Variants in ACACA observed in about 807,000 individuals in gnomAD.
The protein encoded by ACACA is acetyl-CoA carboxylase alpha, also known as acetyl-CoA carboxylase 1.
In ACACA, 103 loss-of-function variants were observed where a neutral mutation model predicts 296.1. The observed-to-expected ratio is 0.35, with a 90% confidence interval of 0.30 to 0.41. The LOEUF is 0.41. Among genes scored for constraint, ACACA ranks in the 10% least tolerant of loss-of-function variants. The pLI, the probability that ACACA is intolerant of heterozygous loss-of-function variation, is 1.00. For missense variants in ACACA, 1,554 were observed against 2,989.7 expected (o/e 0.52, Z 11.20); for synonymous variants, 953 against 1,038.6 (o/e 0.92, Z 1.58).
chr17:37,263,876 C>T lies in ACACA; in HGVS notation c.1138G>A (p.Gly380Arg), dbSNP rs2081623978. 5 of 1,613,672 alleles carry T rather than the reference C, an allele frequency of 3.1e-6. No homozygotes were observed. The highest frequency in any genetic ancestry group is 4.2e-6 in the Non-Finnish European group (5 of 1,179,882). ...AGTCTCATCACAAATATGGGAGATCCAGGAACTTCAGCTTGAACCTGTATT... is the reference window on the plus strand; with the variant it reads ...AGTCTCATCACAAATATGGGAGATCTAGGAACTTCAGCTTGAACCTGTATT... Reference protein sequence around the residue: ...LFRQVQAEVPGSPIFVMRLAK... With the variant: ...LFRQVQAEVPRSPIFVMRLAK... The change falls in exon 11 of 56, where the codon GGA (glycine) becomes AGA (arginine). Residue 380 changes from glycine to arginine, a missense_variant. By Grantham distance (125) the Gly-to-Arg change is moderately radical. Transcript: ENST00000616317.
intron 39 of ACACA, among the ~76,000 whole-genome samples, chr17:37,183,875 G>A (rs1191986646): frequency 4.4e-5 from 6 of 136,302 alleles, no homozygotes; most frequent in Non-Finnish European, 6.2e-5. Context: ...TTTTGGAGAC[G>A]GAGTTTCACT....
chr17:37,093,847 C>T (rs1402453196), intron 54 of ACACA, among the ~76,000 whole-genome samples: 2 of 152,160 alleles, frequency 1.3e-5, no homozygotes, highest in African/African-American at 2.4e-5. Flanking sequence ...AACCCCATGA[C>T]ATAAACACCA....
At chr17:37,104,993 G>A (rs190339341) in intron 52 of ACACA, among the ~76,000 whole-genome samples, 1 of 146,210 alleles carries the variant, frequency 6.8e-6, no homozygotes, top group East Asian at 2.0e-4. Context: ...CAGAGGAAAC[G>A]GCTGATTTCT....
intron 3 of ACACA, among the ~76,000 whole-genome samples, chr17:37,294,257 T>C (rs2083221247): frequency 6.6e-6 from 1 of 152,226 alleles, no homozygotes; most frequent in Admixed American, 6.5e-5. Context: ...AAAGAATGTA[T>C]TCTGACAATT....
At chr17:37,376,635 G>T (rs2050014234) in intron 1 of ACACA, among the ~76,000 whole-genome samples, 1 of 152,160 alleles carries the variant, frequency 6.6e-6, no homozygotes, top group Non-Finnish European at 1.5e-5. Flanking sequence ...AGTTTTCAAA[G>T]TTTCATAAAC....
intron 41 of ACACA, among the ~76,000 whole-genome samples, chr17:37,170,815 T>C (rs1460967050): frequency 1.3e-5 from 2 of 152,228 alleles, no homozygotes; most frequent in Non-Finnish European, 2.9e-5. Context: ...TCAATGTGAA[T>C]AGAATGTGCA....
intron 24 of ACACA, among the ~76,000 whole-genome samples, chr17:37,238,959 T>C (rs1054594867): frequency 3.9e-5 from 6 of 152,122 alleles, no homozygotes; most frequent in African/African-American, 1.4e-4. Context: ...CTTGAGTAGG[T>C]AGGACTATAG....
At chr17:37,185,359 AGT>A in intron 39 of ACACA, among the ~76,000 whole-genome samples, 1 of 138,730 alleles carries the variant, frequency 7.2e-6, no homozygotes, top group South Asian at 2.5e-4. Context: ...CAGCCTCCTG[AGT>A]AGTTGGTACT....
intron 3 of ACACA, among the ~76,000 whole-genome samples, chr17:37,299,073 C>G (rs1279948512): frequency 6.6e-6 from 1 of 151,990 alleles, no homozygotes; most frequent in Non-Finnish European, 1.5e-5. Flanking sequence ...GCTCAGGGAT[C>G]TTTTATTCAA....
chr17:37,382,908 G>A (rs771923817), intron 1 of ACACA, among the ~76,000 whole-genome samples: 2 of 151,966 alleles, frequency 1.3e-5, no homozygotes, highest in Non-Finnish European at 2.9e-5. Context: ...ATGGAGGCAC[G>A]CGCTTGTAGT....
intron 3 of ACACA, among the ~76,000 whole-genome samples, chr17:37,316,582 C>T (rs1227770333): frequency 2.6e-5 from 4 of 152,074 alleles, no homozygotes; most frequent in Non-Finnish European, 4.4e-5. Context: ...GGGGAAACCT[C>T]GTACACTGTT....
At chr17:37,316,590 G>A (rs115589021) in intron 3 of ACACA, among the ~76,000 whole-genome samples, 190 of 152,256 alleles carry the variant, frequency 1.2e-3, no homozygotes, top group African/African-American at 4.4e-3. Context: ...CTCGTACACT[G>A]TTGGTAGGAA....
At chr17:37,296,687 T>C (rs1035765535) in intron 3 of ACACA, among the ~76,000 whole-genome samples, 1 of 151,946 alleles carries the variant, frequency 6.6e-6, no homozygotes, top group Non-Finnish European at 1.5e-5. Context: ...GCCCCACTTC[T>C]TGACATAGTG....
At chr17:37,237,538 G>C (rs2080170557) in intron 24 of ACACA, among the ~76,000 whole-genome samples, 1 of 152,106 alleles carries the variant, frequency 6.6e-6, no homozygotes, top group Non-Finnish European at 1.5e-5. Context: ...TCTCATTGTG[G>C]TTTTGGTTTA....
intron 43 of ACACA, among the ~76,000 whole-genome samples, chr17:37,154,602 T>C (rs2076166900): frequency 6.6e-6 from 1 of 152,144 alleles, no homozygotes; most frequent in African/African-American, 2.4e-5. Flanking sequence ...GTTCAAGCGA[T>C]TGTCCTGCCT....
chr17:37,361,709 G>A (rs2049412323), intron 1 of ACACA, among the ~76,000 whole-genome samples: 1 of 152,188 alleles, frequency 6.6e-6, no homozygotes, highest in Non-Finnish European at 1.5e-5. Context: ...GGTGTTTGGT[G>A]CATGCCACAA....
chr17:37,203,599 C>G (rs1177089168), intron 33 of ACACA, among the ~76,000 whole-genome samples: 1 of 151,682 alleles, frequency 6.6e-6, no homozygotes, highest in African/African-American at 2.4e-5. Context: ...AAAAATTAGC[C>G]GGGTGTGGTG....
rs1172223868 is a variant in ACACA at position 37,086,872 on chromosome 17, G to A, written c.*444C>T. ...GACTTGAGGCTTCCTCCTCTCCTTA[G>A]CCCTCCTCTGCTGCCTGTGGCTGCG... On this transcript the variant is annotated 3_prime_UTR_variant, in exon 56 of 56. Coordinates refer to ENST00000616317, the MANE Select transcript of ACACA (RefSeq NM_198834.3). 3.7e-6 allele frequency: 1 copy of A among 266,976 alleles called. No individual in the cohort carries two copies. The highest frequency in any genetic ancestry group is 7.4e-6 in the Non-Finnish European group (1 of 135,394). The allele number at this position is 266,976 out of a possible 1,614,324, so 16.5% of individuals were successfully genotyped here.
At chr17:37,158,026 T>A (rs1206115829) in intron 42 of ACACA, among the ~76,000 whole-genome samples, 2 of 152,184 alleles carry the variant, frequency 1.3e-5, no homozygotes, top group African/African-American at 2.4e-5. Context: ...AAGGTAGGGA[T>A]GTAAACATGA....
Sources: allele counts gnomAD v4.1 joint callset (sites outside exome capture counted in the v4.1 genomes callset), GRCh38; gene constraint gnomAD v4.1.1; transcripts MANE v1.5; gene names NCBI Gene and HGNC (gene_info 2026-07-23, HGNC 2026-07-21).